PRR16: variants seen among roughly 807,000 people sequenced by gnomAD.
PRR16 encodes the protein proline rich 16.
A neutral mutation model predicts 18.2 loss-of-function variants in PRR16; 6 were observed. That is an observed-to-expected ratio of 0.33 (90% CI 0.18 to 0.65). The LOEUF (loss-of-function observed/expected upper bound fraction) is 0.65, where lower values mean the gene tolerates loss of function less well. PRR16 is among the 30% of genes least tolerant of loss of function. The probability of loss-of-function intolerance (pLI) is 0.74; values close to 1 mark genes in which losing one functional copy is unlikely to be tolerated. For missense variants in PRR16, 412 were observed against 376.6 expected (o/e 1.09, Z -0.78); for synonymous variants, 151 against 147.8 (o/e 1.02, Z -0.16).
the PRR16 span, among the ~76,000 whole-genome samples, chr5:120,770,004 C>A: frequency 2.0e-5 from 3 of 151,690 alleles, no homozygotes; most frequent in African/African-American, 7.2e-5. Context: ...TGTATGTCTT[C>A]TTTGAAAAAA....
the PRR16 span, among the ~76,000 whole-genome samples, chr5:120,739,520 C>T: frequency 2.0e-5 from 3 of 152,046 alleles, no homozygotes; most frequent in South Asian, 6.2e-4. Flanking sequence ...TCTTTTAGAA[C>T]AGTATACTGA....
Position 120,464,426 on chromosome 5 carries a change from G to A in PRR16, c.-61G>A. On this transcript the variant is annotated 5_prime_UTR_variant, in exon 1 of 2. Transcript: ENST00000407149. ...AGCGGCCGTAGCAGCGCCAGGGACG[G>A]GGGCACGCAGCAGCCTCCGCTCGCC... 6.7e-7 allele frequency: 1 copy of A among 1,493,960 alleles called. No individual in the cohort carries two copies. 92.5% of individuals were successfully genotyped at this position (1,493,960 alleles called of 1,614,324 possible).
rs373262609 is a variant in PRR16, at chr5:120,490,093, T to C, written c.159+25448T>C. On this transcript the variant is annotated intron_variant, in intron 1 of 1. Coordinates refer to ENST00000407149, the MANE Select transcript of PRR16 (RefSeq NM_001300783.2). ...TCTGGCTGCCCTTAACCTTTTTTCCTTCATTTCAACTTTGGTGAGTCTGAC... is the reference window on the plus strand; with the variant it reads ...TCTGGCTGCCCTTAACCTTTTTTCCCTCATTTCAACTTTGGTGAGTCTGAC... Among the ~76,000 whole-genome samples, 37 of 152,280 alleles carry C rather than the reference T, an allele frequency of 2.4e-4. No individual in the cohort carries two copies. In the East Asian group the frequency reaches 3.7e-3, roughly 15 times the overall value.
chr5:120,555,419 T>C (rs1752376766), intron 1 of PRR16, among the ~76,000 whole-genome samples: 1 of 151,910 alleles, frequency 6.6e-6, no homozygotes, highest in Admixed American at 6.6e-5. Flanking sequence ...AAGTTCCAAG[T>C]CAAGGTGCTG....
chr5:120,667,884 A>G (rs1298007884), intron 1 of PRR16, among the ~76,000 whole-genome samples: 3 of 152,022 alleles, frequency 2.0e-5, no homozygotes, highest in Non-Finnish European at 4.4e-5. Flanking sequence ...ACTATGTGTC[A>G]GTTTTGGAAT....
At chr5:120,598,746 G>A (rs1753891812) in intron 1 of PRR16, among the ~76,000 whole-genome samples, 2 of 151,868 alleles carry the variant, frequency 1.3e-5, no homozygotes, top group African/African-American at 4.8e-5. Flanking sequence ...CAATGTTGCT[G>A]CAAAAGACAT....
intron 1 of PRR16, among the ~76,000 whole-genome samples, chr5:120,535,452 A>G (rs1354134774): frequency 2.6e-5 from 4 of 152,170 alleles, no homozygotes; most frequent in South Asian, 2.1e-4. Context: ...TACATTTTCC[A>G]TAGAATAATG....
intron 1 of PRR16, among the ~76,000 whole-genome samples, chr5:120,615,564 C>T (rs1754483845): frequency 6.6e-6 from 1 of 151,514 alleles, no homozygotes; most frequent in African/African-American, 2.4e-5. Flanking sequence ...CAGGAGTATT[C>T]GTTGTAGATT....
chr5:120,773,183 T>C, the PRR16 span, among the ~76,000 whole-genome samples: 1 of 152,074 alleles, frequency 6.6e-6, no homozygotes, highest in Non-Finnish European at 1.5e-5. Context: ...AAATTTTTAT[T>C]AGTATCAGTT....
intron 1 of PRR16, among the ~76,000 whole-genome samples, chr5:120,637,426 AAT>A (rs1185492172): frequency 2.6e-5 from 4 of 151,772 alleles, no homozygotes; most frequent in Non-Finnish European, 5.9e-5. Context: ...TCAATGAGTG[AAT>A]AAAGAAAATA....
chr5:120,757,739 G>A, the PRR16 span, among the ~76,000 whole-genome samples: 1 of 152,038 alleles, frequency 6.6e-6, no homozygotes. Flanking sequence ...TAGGTTTGGT[G>A]AATTGGCGAT....
chr5:120,585,687 AT>A (rs1214450466), intron 1 of PRR16, among the ~76,000 whole-genome samples: 2 of 150,716 alleles, frequency 1.3e-5, no homozygotes, highest in African/African-American at 2.4e-5. Flanking sequence ...ATGTAGCTTA[AT>A]TTTTTTTGTC....
At chr5:120,527,573 A>G (rs560471026) in intron 1 of PRR16, among the ~76,000 whole-genome samples, 13 of 152,366 alleles carry the variant, frequency 8.5e-5, no homozygotes, top group African/African-American at 3.1e-4. Context: ...AGTGAGAAGT[A>G]TAGCTGTAAT....
intron 1 of PRR16, among the ~76,000 whole-genome samples, chr5:120,540,287 C>G (rs1284990126): frequency 6.6e-6 from 1 of 152,278 alleles, no homozygotes; most frequent in South Asian, 2.1e-4. Flanking sequence ...TCTGTTTGCA[C>G]ACAGCAGCTA....
At position 120,667,912 on chromosome 5, in the gene PRR16, G is replaced by GA. The variant is rs543728064; in HGVS notation, c.160-18035dup. ...TTTGGAATAGGTGTGGTGTGGTGCT[G>GA]AAAAAAATGTATATTCTGTTGATTT... On this transcript the variant is annotated intron_variant, in intron 1 of 1. Transcript: ENST00000407149. Among the ~76,000 whole-genome samples the GA allele has an allele frequency of 3.0e-3, 455 of 152,146 alleles. 3 individuals are homozygous for GA. The highest frequency in any genetic ancestry group is 0.011 in the African/African-American group (444 of 41,524).
chr5:120,786,931 C>T, the PRR16 span, among the ~76,000 whole-genome samples: 1 of 151,940 alleles, frequency 6.6e-6, no homozygotes, highest in Admixed American at 6.6e-5. Context: ...AGAATATGAC[C>T]CTTGAAGTGC....
At chr5:120,576,774 C>G (rs924696095) in intron 1 of PRR16, among the ~76,000 whole-genome samples, 2 of 152,028 alleles carry the variant, frequency 1.3e-5, no homozygotes, top group African/African-American at 4.8e-5. Context: ...ATCAAGCTCT[C>G]CTGGCTTACA....
intron 1 of PRR16, among the ~76,000 whole-genome samples, chr5:120,587,050 A>G (rs1188014826): frequency 1.3e-5 from 2 of 152,228 alleles, no homozygotes; most frequent in Admixed American, 6.5e-5. Context: ...AGTGATCTGG[A>G]TAGACGATTA....
intron 1 of PRR16, among the ~76,000 whole-genome samples, chr5:120,620,474 C>T (rs182402374): frequency 2.0e-5 from 3 of 152,256 alleles, no homozygotes; most frequent in Admixed American, 2.0e-4. Flanking sequence ...ATTCTTTAAC[C>T]TGGCCTTAAT....
Sources: allele counts gnomAD v4.1 joint callset (sites outside exome capture counted in the v4.1 genomes callset), GRCh38; gene constraint gnomAD v4.1.1; transcripts MANE v1.5; gene names NCBI Gene and HGNC (gene_info 2026-07-23, HGNC 2026-07-21).